Variants in SH3RF1 observed in about 807,000 individuals in gnomAD.
The protein encoded by SH3RF1 is SH3 domain containing ring finger 1, also known as E3 ubiquitin-protein ligase SH3RF1.
A neutral mutation model predicts 74.0 loss-of-function variants in SH3RF1; 32 were observed. That is an observed-to-expected ratio of 0.43 (90% CI 0.33 to 0.58). The LOEUF is 0.58. Among genes scored for constraint, SH3RF1 ranks in the 20% least tolerant of loss-of-function variants. The pLI, the probability that SH3RF1 is intolerant of heterozygous loss-of-function variation, is 0.05. For missense variants in SH3RF1, 954 were observed against 1,130.9 expected (o/e 0.84, Z 2.24); for synonymous variants, 396 against 439.6 (o/e 0.90, Z 1.24).
chr4:169,247,402 G>A (rs1579161236), intron 2 of SH3RF1, among the ~76,000 whole-genome samples: 1 of 152,154 alleles, frequency 6.6e-6, no homozygotes, highest in Admixed American at 6.5e-5. Flanking sequence ...GGAGAGTGAT[G>A]AACATGTGAT....
At chr4:169,140,256 T>C (rs35802355) in intron 4 of SH3RF1, among the ~76,000 whole-genome samples, 9,299 of 152,258 alleles carry the variant, frequency 0.061, 440 homozygotes, top group African/African-American at 0.14. Context: ...AAGAATCTGA[T>C]AGCTTTTAGT....
At chr4:169,125,613 G>A (rs1189150751) in intron 6 of SH3RF1, among the ~76,000 whole-genome samples, 2 of 152,144 alleles carry the variant, frequency 1.3e-5, no homozygotes, top group African/African-American at 2.4e-5. Context: ...TCTCTTACGT[G>A]TGTATCTCCC....
At chr4:169,132,961 T>C (rs529421020) in intron 5 of SH3RF1, among the ~76,000 whole-genome samples, 1 of 152,294 alleles carries the variant, frequency 6.6e-6, no homozygotes, top group Admixed American at 6.5e-5. Context: ...AATCTTTCAA[T>C]TTATGTATTT....
chr4:169,191,735 C>A (rs1054125347), intron 2 of SH3RF1, among the ~76,000 whole-genome samples: 1 of 151,866 alleles, frequency 6.6e-6, no homozygotes. Context: ...CAGAAATAAA[C>A]CCAAATCCTT....
intron 2 of SH3RF1, among the ~76,000 whole-genome samples, chr4:169,161,203 C>T (rs1040248752): frequency 6.6e-6 from 1 of 152,236 alleles, no homozygotes; most frequent in Admixed American, 6.5e-5. Context: ...TTGTCATTCA[C>T]ACTGCCAGCT....
At chr4:169,158,388 G>C (rs1329349087) in intron 2 of SH3RF1, among the ~76,000 whole-genome samples, 1 of 152,168 alleles carries the variant, frequency 6.6e-6, no homozygotes, top group Non-Finnish European at 1.5e-5. Flanking sequence ...ATGTGCAGCG[G>C]GACTGGGGAG....
chr4:169,193,676 G>A (rs1734764596), intron 2 of SH3RF1, among the ~76,000 whole-genome samples: 1 of 152,152 alleles, frequency 6.6e-6, no homozygotes, highest in South Asian at 2.1e-4. Context: ...CACTCACTAT[G>A]TATAATAAGG....
At position 169,107,147 on chromosome 4, in the gene SH3RF1, C is replaced by A. The variant is rs770926301; in HGVS notation, c.2198G>T (p.Arg733Leu). The change falls in exon 11 of 12, where the codon CGC (arginine) becomes CTC (leucine). Residue 733 changes from arginine (R) to leucine (L), a missense_variant. This residue lies in a region of SH3RF1 where 854 missense variants were observed against 962.5 expected (regional missense o/e 0.89). Transcript: ENST00000284637. ...LSGASTKRKP[R>L]VSPPASPTLE... ...GGTGGGCGATGCTGGAGGAGACACG[C>A]GGGGCTTCCGTTTAGTGGAGGCGCC... 6.3e-7 allele frequency: 1 copy of A among 1,594,074 alleles called. No homozygotes were observed. The highest frequency in any genetic ancestry group is 8.5e-7 in the Non-Finnish European group (1 of 1,170,690).
At chr4:169,229,928 A>G in intron 2 of SH3RF1, among the ~76,000 whole-genome samples, 1 of 148,360 alleles carries the variant, frequency 6.7e-6, no homozygotes, top group African/African-American at 2.5e-5. Context: ...ATGCTTGGCC[A>G]GGCGAGGTGG....
At chr4:169,250,318 T>TAA (rs5863991) in intron 2 of SH3RF1, among the ~76,000 whole-genome samples, 1 of 144,238 alleles carries the variant, frequency 6.9e-6, no homozygotes. Flanking sequence ...CTCTTGGGTT[T>TAA]AAAAAAAAAA....
chr4:169,250,367 T>C (rs1731081759), intron 2 of SH3RF1, among the ~76,000 whole-genome samples: 1 of 152,172 alleles, frequency 6.6e-6, no homozygotes, highest in Admixed American at 6.5e-5. Flanking sequence ...CATTCCACAT[T>C]TATCTTCATA....
chr4:169,232,859 C>A (rs896741012), intron 2 of SH3RF1, among the ~76,000 whole-genome samples: 95 of 152,074 alleles, frequency 6.2e-4, no homozygotes, highest in Non-Finnish European at 1.8e-4. Flanking sequence ...TCAGTTTAAA[C>A]CCTAAACTCT....
intron 2 of SH3RF1, among the ~76,000 whole-genome samples, chr4:169,205,081 A>T (rs1730229791): frequency 6.6e-6 from 1 of 152,272 alleles, no homozygotes. Context: ...ATGTGCTGAC[A>T]GAGTAACAAG....
chr4:169,140,031 T>C (rs1733759136), intron 4 of SH3RF1, among the ~76,000 whole-genome samples: 1 of 152,242 alleles, frequency 6.6e-6, no homozygotes, highest in South Asian at 2.1e-4. Flanking sequence ...ACAGTAATAT[T>C]TGTTAGCAAG....
intron 2 of SH3RF1, among the ~76,000 whole-genome samples, chr4:169,170,046 G>A (rs972745179): frequency 6.6e-6 from 1 of 151,556 alleles, no homozygotes; most frequent in African/African-American, 2.4e-5. Context: ...ATAGATTAAT[G>A]GGCAGTTTTA....
chr4:169,199,626 A>AT lies in SH3RF1; in HGVS notation c.394-42948_394-42947insA, dbSNP rs1395886113. ...GGCTTAGTGAATGCGCAAAAAAAAA[A>AT]AAATAAATAAATAACAGAGGAGACT... On this transcript the variant is annotated intron_variant, in intron 2 of 11. Coordinates refer to ENST00000284637, the MANE Select transcript of SH3RF1 (RefSeq NM_020870.4). 3.2e-3 allele frequency among the ~76,000 whole-genome samples: 483 copies of AT among 151,854 alleles called. 6 individuals carry two copies. Among genetic ancestry groups the AT allele is most frequent in the Middle Eastern group, 0.01 (3 of 294 alleles).
chr4:169,262,986 A>C (rs1157491779), intron 2 of SH3RF1, among the ~76,000 whole-genome samples: 1 of 152,148 alleles, frequency 6.6e-6, no homozygotes, highest in Non-Finnish European at 1.5e-5. Context: ...TGGTTTAGCC[A>C]AAACAAACAA....
At chr4:169,141,942 A>G (rs1733794091) in intron 4 of SH3RF1, among the ~76,000 whole-genome samples, 2 of 151,208 alleles carry the variant, frequency 1.3e-5, no homozygotes, top group East Asian at 3.9e-4. Flanking sequence ...CCTCCTGAAT[A>G]GCTGGGACTA....
intron 5 of SH3RF1, among the ~76,000 whole-genome samples, chr4:169,131,109 G>T (rs774760711): frequency 2.0e-5 from 3 of 152,190 alleles, no homozygotes; most frequent in Non-Finnish European, 4.4e-5. Flanking sequence ...ACAAAGAAAA[G>T]CTCAGAGGTT....
Sources: gnomAD v4.1 joint callset for allele counts (sites outside exome capture counted in the v4.1 genomes callset) on GRCh38, gnomAD v4.1.1 for gene constraint, gnomAD v4.1.1 regional missense constraint, MANE v1.5 for transcripts, NCBI Gene and HGNC (gene_info 2026-07-23, HGNC 2026-07-21) for gene names.